Variants in KIF3C observed in about 807,000 individuals in gnomAD.
KIF3C encodes kinesin family member 3C.
In KIF3C, 12 loss-of-function variants were observed where a neutral mutation model predicts 67.7. The ratio of observed to expected loss-of-function variants is 0.18; its 90% CI spans 0.11 to 0.29. The LOEUF (loss-of-function observed/expected upper bound fraction) is 0.29. Among genes scored for constraint, KIF3C ranks in the 10% least tolerant of loss-of-function variants. The pLI is 1.00. For missense variants in KIF3C, 789 were observed against 1,059.6 expected (o/e 0.74, Z 3.55); for synonymous variants, 393 against 426.2 (o/e 0.92, Z 0.96).
At position 25,948,449 on chromosome 2, in the gene KIF3C, G is replaced by A. The variant is rs531252976; in HGVS notation, c.2006+3340C>T. Among the ~76,000 whole-genome samples the A allele has an allele frequency of 1.4e-4, 21 of 148,330 alleles. No homozygotes were observed. In the East Asian group the frequency reaches 3.5e-3, roughly 25 times the overall value. On this transcript the variant is annotated intron_variant, in intron 5 of 7. Coordinates refer to ENST00000264712, the MANE Select transcript of KIF3C (RefSeq NM_002254.8). ...TGCCTGTGGCCCCAGCTACTCAGAA[G>A]GCTGAGGCAGGAGGATCACTTGAGC...
At chr2:25,972,374 A>G (rs951203868) in intron 1 of KIF3C, among the ~76,000 whole-genome samples, 1 of 152,058 alleles carries the variant, frequency 6.6e-6, no homozygotes, top group Non-Finnish European at 1.5e-5. Context: ...TATACTTCCC[A>G]CTAGTCAAAT....
rs1485837701 is a variant in KIF3C, at chr2:25,932,009, T to TG, written c.2007-1947_2007-1946insC. Among the ~76,000 whole-genome samples, 35 of 149,454 alleles carry TG rather than the reference T, an allele frequency of 2.3e-4. 1 individual carries two copies. The highest frequency in any genetic ancestry group is 8.6e-4 in the African/African-American group (35 of 40,614). The stretch of plus-strand genomic sequence containing the variant: ...GTGTTGTTTCTTCTGTTTTGTTTTT[T>TG]TTTTTTTTTTTTGGAAACGGAGTCT... On this transcript the variant is annotated intron_variant, in intron 5 of 7. Coordinates refer to ENST00000264712, the MANE Select transcript of KIF3C (RefSeq NM_002254.8).
At chr2:25,942,919 G>C (rs922306700) in intron 5 of KIF3C, among the ~76,000 whole-genome samples, 4 of 152,200 alleles carry the variant, frequency 2.6e-5, no homozygotes, top group African/African-American at 4.8e-5. Context: ...TGGTCAGAGG[G>C]TGGGATGGAT....
At chr2:25,962,114 G>C (rs1002417169) in intron 1 of KIF3C, among the ~76,000 whole-genome samples, 2 of 152,182 alleles carry the variant, frequency 1.3e-5, no homozygotes, top group African/African-American at 4.8e-5. Flanking sequence ...GACAGCAGCA[G>C]TTTTTAGGAC....
At chr2:25,951,759 C>A (rs777297007) in intron 5 of KIF3C, 30 bp downstream of exon 5, 1 of 1,523,162 alleles carries the variant, frequency 6.6e-7, no homozygotes, top group Non-Finnish European at 9.1e-7. Context: ...CACAAGTCCC[C>A]CAGCCCAGAC....
chr2:25,953,318 C>A (rs1432977744), intron 4 of KIF3C, among the ~76,000 whole-genome samples: 2 of 151,696 alleles, frequency 1.3e-5, no homozygotes, highest in Non-Finnish European at 2.9e-5. Context: ...TATGCAACTA[C>A]TATATACACA....
intron 5 of KIF3C, among the ~76,000 whole-genome samples, chr2:25,950,423 T>C (rs921489676): frequency 6.6e-6 from 1 of 150,944 alleles, no homozygotes; most frequent in African/African-American, 2.4e-5. Context: ...GGTTTCACTA[T>C]GTTGGTCAGG....
chr2:25,945,586 AAAG>A (rs1225812548), intron 5 of KIF3C, among the ~76,000 whole-genome samples: 2 of 151,000 alleles, frequency 1.3e-5, no homozygotes, highest in South Asian at 2.1e-4. Flanking sequence ...AAAAAAAAAA[AAAG>A]AATAAAATTT....
intron 5 of KIF3C, among the ~76,000 whole-genome samples, chr2:25,939,575 G>A (rs930979211): frequency 6.6e-6 from 1 of 152,192 alleles, no homozygotes; most frequent in Admixed American, 6.5e-5. Context: ...TGTTCTTACT[G>A]GGGTGAACTT....
intron 5 of KIF3C, among the ~76,000 whole-genome samples, chr2:25,931,262 G>T (rs2090456605): frequency 6.6e-6 from 1 of 151,804 alleles, no homozygotes. Flanking sequence ...TTCGAGACCA[G>T]CCTGACCAAC....
At chr2:25,948,604 AAGAAAGAGAAAG>A (rs992572217) in intron 5 of KIF3C, among the ~76,000 whole-genome samples, 1 of 137,612 alleles carries the variant, frequency 7.3e-6, no homozygotes, top group Admixed American at 7.0e-5. Context: ...AAGAGAAAGA[AAGAAAGAGAAAG>A]AGAAAGAGAG....
intron 5 of KIF3C, among the ~76,000 whole-genome samples, chr2:25,948,664 GAGAA>G (rs997511395): frequency 8.4e-5 from 12 of 143,558 alleles, no homozygotes; most frequent in African/African-American, 2.6e-4. Flanking sequence ...AAGAGAAAGA[GAGAA>G]AGAGAGAGAG....
chr2:25,952,470 C>T (rs76458506), intron 4 of KIF3C, among the ~76,000 whole-genome samples: 3,494 of 151,290 alleles, frequency 0.023, 148 homozygotes, highest in African/African-American at 0.081. Context: ...TGAATAAATA[C>T]TTTTATTTGA....
Position 25,981,525 on chromosome 2 carries a change from G to A in KIF3C, c.393C>T (p.Ile131=), listed in dbSNP as rs749168140. Residue 131 remains isoleucine (I), a synonymous_variant, in exon 1 of 8, where the codon ATC becomes ATT. Transcript: ENST00000264712. The surrounding 1 kb of genome is among the most constrained non-coding windows in gnomAD (Gnocchi z 8.2). ...PNAFEHIFTH[I]SRSQNQQYLV... ...GGTACTGTTGGTTCTGGGAGCGGGA[G>A]ATGTGGGTGAAGATGTGCTCAAAGG... is the stretch of plus-strand genomic sequence containing the variant. The A allele has an allele frequency of 6.2e-7, 1 of 1,614,228 alleles. No individual in the cohort carries two copies. The highest frequency in any genetic ancestry group is 2.2e-5 in the East Asian group (1 of 44,882).
chr2:25,969,061 T>C (rs776093489), intron 1 of KIF3C, among the ~76,000 whole-genome samples: 1 of 152,104 alleles, frequency 6.6e-6, no homozygotes, highest in Non-Finnish European at 1.5e-5. Flanking sequence ...TGACCTCAGG[T>C]GATCTGCCTG....
chr2:25,942,406 C>CAA (rs70950140), intron 5 of KIF3C, among the ~76,000 whole-genome samples: 20 of 150,042 alleles, frequency 1.3e-4, no homozygotes, highest in African/African-American at 3.9e-4. Flanking sequence ...GACCTAGTTG[C>CAA]AAAAAAAAAT....
chr2:25,949,760 A>G (rs1663546836), intron 5 of KIF3C, among the ~76,000 whole-genome samples: 1 of 152,034 alleles, frequency 6.6e-6, no homozygotes, highest in Non-Finnish European at 1.5e-5. Context: ...ACTTGAGCTC[A>G]GGAGTTCAAG....
chr2:25,961,810 C>T (rs992960353), intron 1 of KIF3C, among the ~76,000 whole-genome samples: 6 of 152,112 alleles, frequency 3.9e-5, no homozygotes, highest in African/African-American at 9.7e-5. Context: ...TTAGGCCGGG[C>T]GCAGTGGCTC....
chr2:25,954,796 A>G (rs1333032601), intron 3 of KIF3C, among the ~76,000 whole-genome samples: 1 of 152,160 alleles, frequency 6.6e-6, no homozygotes, highest in African/African-American at 2.4e-5. Context: ...CCAGCTCAGG[A>G]AGCAGGAAGC....
Sources: gnomAD v4.1 joint callset for allele counts (sites outside exome capture counted in the v4.1 genomes callset) on GRCh38, gnomAD v4.1.1 for gene constraint, Gnocchi (gnomAD v3.1) non-coding constraint, MANE v1.5 for transcripts, NCBI Gene and HGNC (gene_info 2026-07-23, HGNC 2026-07-21) for gene names.